Variants in PACSIN2 observed in about 807,000 individuals in gnomAD.
PACSIN2 encodes protein kinase C and casein kinase substrate in neurons protein 2.
PACSIN2 carries 25 observed loss-of-function variants against 63.8 expected under a neutral mutation model. That is an observed-to-expected ratio of 0.39 (90% CI 0.29 to 0.55). The LOEUF (loss-of-function observed/expected upper bound fraction) is 0.55. PACSIN2 is among the 20% of genes least tolerant of loss of function. PACSIN2 has a pLI of 0.62. For synonymous variants in PACSIN2, 255 were observed against 256.2 expected, an observed-to-expected ratio of 1.00 and a Z score of 0.05; for missense variants, 518 against 646.9, an observed-to-expected ratio of 0.80 and a Z score of 2.16.
At chr22:42,988,896 T>C (rs1922815132) in intron 1 of PACSIN2, among the ~76,000 whole-genome samples, 1 of 152,132 alleles carries the variant, frequency 6.6e-6, no homozygotes, top group African/African-American at 2.4e-5. Flanking sequence ...ATTTTTTTTT[T>C]TGTTTTTGGG....
intron 1 of PACSIN2, among the ~76,000 whole-genome samples, chr22:42,945,626 C>T (rs1276657670): frequency 1.3e-5 from 2 of 152,158 alleles, no homozygotes; most frequent in African/African-American, 4.8e-5. Context: ...ACCCAACCCC[C>T]CTCACCACTA....
At chr22:42,919,787 A>G (rs1381797008) in intron 1 of PACSIN2, among the ~76,000 whole-genome samples, 2 of 141,780 alleles carry the variant, frequency 1.4e-5, no homozygotes, top group Non-Finnish European at 3.0e-5. Context: ...AAAAAAAAAA[A>G]AAAAAAAAAA....
At chr22:42,901,543 A>G (rs891294959) in intron 2 of PACSIN2, among the ~76,000 whole-genome samples, 13 of 152,174 alleles carry the variant, frequency 8.5e-5, no homozygotes, top group South Asian at 4.1e-4. Context: ...CCCTCTCCGT[A>G]TATTTCTGCC....
At chr22:42,967,259 T>C (rs1389757317) in intron 1 of PACSIN2, among the ~76,000 whole-genome samples, 1 of 152,104 alleles carries the variant, frequency 6.6e-6, no homozygotes, top group East Asian at 1.9e-4. Context: ...CCTCCCCTCT[T>C]TGGCTGGGGC....
intron 1 of PACSIN2, chr22:42,993,910 T>C (rs928104846): frequency 2.0e-5 from 3 of 152,204 alleles, no homozygotes; most frequent in Non-Finnish European, 4.4e-5. Context: ...CCTATGCAGC[T>C]GAAGAAGGGA....
At chr22:43,014,367 AC>A (rs1160186769) in intron 1 of PACSIN2, among the ~76,000 whole-genome samples, 1,258 of 9,330 alleles carry the variant, frequency 0.13, 54 homozygotes, top group African/African-American at 0.31. Flanking sequence ...CACACACACC[AC>A]CCCCCCCCCC....
chr22:42,883,010 C>T (rs1289661076), intron 6 of PACSIN2, among the ~76,000 whole-genome samples: 1 of 152,138 alleles, frequency 6.6e-6, no homozygotes, highest in Non-Finnish European at 1.5e-5. Flanking sequence ...CCCAGTGCCT[C>T]GGAATGTGGC....
At chr22:42,973,910 A>G (rs541441650) in intron 1 of PACSIN2, among the ~76,000 whole-genome samples, 31 of 152,378 alleles carry the variant, frequency 2.0e-4, no homozygotes, top group South Asian at 8.3e-4. Flanking sequence ...CACATAGCTC[A>G]GGTGTGGATG....
intron 1 of PACSIN2, among the ~76,000 whole-genome samples, chr22:42,987,530 CTTTT>C (rs1160565529): frequency 7.7e-5 from 4 of 52,028 alleles, no homozygotes; most frequent in Non-Finnish European, 9.3e-5. Flanking sequence ...CACATTCATT[CTTTT>C]TTTTTTTTTT....
At chr22:43,007,995 C>G (rs1043780690) in intron 1 of PACSIN2, among the ~76,000 whole-genome samples, 1 of 152,124 alleles carries the variant, frequency 6.6e-6, no homozygotes, top group Non-Finnish European at 1.5e-5. Context: ...ATGGAGTGCC[C>G]CAGCTGGCTG....
chr22:42,901,805 T>C (rs1253168835), intron 2 of PACSIN2, among the ~76,000 whole-genome samples: 1 of 152,190 alleles, frequency 6.6e-6, no homozygotes, highest in Admixed American at 6.5e-5. Context: ...CTTCCTGGCA[T>C]ACCTGACCAG....
At chr22:42,954,832 C>T (rs1435298748) in intron 1 of PACSIN2, among the ~76,000 whole-genome samples, 1 of 151,946 alleles carries the variant, frequency 6.6e-6, no homozygotes, top group Non-Finnish European at 1.5e-5. Context: ...TCTCAAATTT[C>T]GGAGGCATGG....
intron 9 of PACSIN2, 128 bp downstream of exon 9, chr22:42,876,760 G>A (rs1209956997): frequency 5.7e-6 from 7 of 1,233,884 alleles, no homozygotes; most frequent in African/African-American, 1.5e-5. Context: ...GGTGCGGCAC[G>A]CCAGGTGCCC....
Position 42,952,323 on chromosome 22 carries a change from A to T in PACSIN2, c.-77-40166T>A, listed in dbSNP as rs188317846. On this transcript the variant is annotated intron_variant, in intron 1 of 10. Transcript: ENST00000263246. Reference sequence around the variant, plus strand: ...GTTGAAGAAATTTATTTATTTATTTATTATTTTATTTTATTTATTTATTTT... The same window carrying T: ...GTTGAAGAAATTTATTTATTTATTTTTTATTTTATTTTATTTATTTATTTT... Among the ~76,000 whole-genome samples, 258 of 151,806 alleles carry T rather than the reference A, an allele frequency of 1.7e-3. 2 individuals are homozygous for T. Among genetic ancestry groups the T allele is most frequent in the African/African-American group, 6.0e-3 (250 of 41,498 alleles).
chr22:42,993,347 C>T (rs1465547728), intron 1 of PACSIN2, among the ~76,000 whole-genome samples: 1 of 152,196 alleles, frequency 6.6e-6, no homozygotes, highest in Non-Finnish European at 1.5e-5. Flanking sequence ...AGAGGGTGGA[C>T]TTCTCACTAT....
At chr22:43,013,886 G>C (rs938157896) in intron 1 of PACSIN2, among the ~76,000 whole-genome samples, 1 of 152,174 alleles carries the variant, frequency 6.6e-6, no homozygotes, top group Non-Finnish European at 1.5e-5. Context: ...GAGGGAAAAA[G>C]AGAAGACAGG....
chr22:42,899,988 G>C (rs1242013488), intron 2 of PACSIN2, among the ~76,000 whole-genome samples: 3 of 152,222 alleles, frequency 2.0e-5, no homozygotes, highest in Non-Finnish European at 2.9e-5. Context: ...TGGAGAAATA[G>C]AGACAGGAAC....
In PACSIN2 at chr22:42,979,397, G is replaced by A. The variant is rs555041015; in HGVS notation, c.-78+35624C>T. On this transcript the variant is annotated intron_variant, in intron 1 of 10. Transcript: ENST00000263246. Reference sequence around the variant, plus strand: ...AAATTAGCCAAGCGTGGTAGCAGGCGTCTGTAATCCCAGCTACTCCAAAGG... The same window carrying A: ...AAATTAGCCAAGCGTGGTAGCAGGCATCTGTAATCCCAGCTACTCCAAAGG... Among the ~76,000 whole-genome samples, 240 of 151,630 alleles carry A rather than the reference G, an allele frequency of 1.6e-3. 3 individuals carry two copies. The highest frequency in any genetic ancestry group is 5.6e-3 in the African/African-American group (231 of 41,332).
At chr22:42,900,243 G>C (rs554438670) in intron 2 of PACSIN2, among the ~76,000 whole-genome samples, 2 of 152,104 alleles carry the variant, frequency 1.3e-5, no homozygotes, top group Admixed American at 6.5e-5. Flanking sequence ...ATGCCCTTCG[G>C]GTCACAGCTC....
Sources: gnomAD v4.1 joint callset for allele counts (sites outside exome capture counted in the v4.1 genomes callset) on GRCh38, gnomAD v4.1.1 for gene constraint, MANE v1.5 for transcripts, NCBI Gene and HGNC (gene_info 2026-07-23, HGNC 2026-07-21) for gene names.